PCID2: variants seen among roughly 807,000 people sequenced by gnomAD.
PCID2 encodes PCI domain-containing protein 2.
PCID2 carries 41 observed loss-of-function variants against 61.3 expected under a neutral mutation model. The observed-to-expected ratio is 0.67, with a 90% CI of 0.52 to 0.87. PCID2 has a LOEUF of 0.87. PCID2 is among the 40% of genes least tolerant of loss of function. The probability of loss-of-function intolerance (pLI) is 0.00; values close to 1 mark genes in which losing one functional copy is unlikely to be tolerated. For synonymous variants in PCID2, 187 were observed against 177.8 expected, an observed-to-expected ratio of 1.05 and a Z score of -0.41; for missense variants, 392 against 493.4, an observed-to-expected ratio of 0.79 and a Z score of 1.95.
Position 113,180,125 on chromosome 13 carries a change from A to G in PCID2, c.860+33T>C, listed in dbSNP as rs762042831. ...CAACTCTCATCAGGCTTGCATTTTT[A>G]AAACCCCAAACAGGAAGGATGGCAT... On this transcript the variant is annotated intron_variant, in intron 11 of 13. Transcript: ENST00000337344. 5.0e-6 allele frequency: 8 copies of G among 1,613,406 alleles called. No individual in the cohort carries two copies. The South Asian group carries it at 6.6e-5, about 13-fold the overall frequency.
chr13:113,201,400 G>C (rs535382120), intron 1 of PCID2, among the ~76,000 whole-genome samples: 1 of 152,276 alleles, frequency 6.6e-6, no homozygotes, highest in South Asian at 2.1e-4. Context: ...TACCACACCA[G>C]CTGACTGCGC....
At chr13:113,167,221 G>C in the PCID2 span, among the ~76,000 whole-genome samples, 2 of 152,142 alleles carry the variant, frequency 1.3e-5, no homozygotes, top group African/African-American at 4.8e-5. Context: ...GTCTTCTCTC[G>C]AACTTGGTTT....
chr13:113,206,593 T>C (rs1018488556), intron 1 of PCID2, among the ~76,000 whole-genome samples: 2 of 152,256 alleles, frequency 1.3e-5, no homozygotes, highest in Admixed American at 6.5e-5. Context: ...TTGGCACTTA[T>C]GTTCCTATAC....
chr13:113,200,696 C>CTTTTT (rs998821979), intron 1 of PCID2, 180 bp from the exon 2 acceptor site: 32 of 221,218 alleles, frequency 1.4e-4, no homozygotes, highest in South Asian at 1.7e-4. Flanking sequence ...ACAATAATTT[C>CTTTTT]TTTTTTTTTT....
chr13:113,183,026 G>A lies in PCID2; in HGVS notation c.685+1320C>T, dbSNP rs192934698. 9.2e-5 allele frequency among the ~76,000 whole-genome samples: 14 copies of A among 152,242 alleles called. No homozygotes were observed. In the East Asian group the frequency reaches 2.7e-3, roughly 29 times the overall value. On this transcript the variant is annotated intron_variant, in intron 9 of 13. Coordinates refer to ENST00000337344, the MANE Select transcript of PCID2 (RefSeq NM_001127202.4). ...AGGAAAGAAAATCACCACAATCTCT[G>A]CAGACATTTTATCCACTTAAATACA... is the stretch of plus-strand genomic sequence containing the variant.
chr13:113,197,139 G>T, intron 4 of PCID2, 39 bp downstream of exon 4: 2 of 1,614,064 alleles, frequency 1.2e-6, no homozygotes, highest in Non-Finnish European at 1.7e-6. Context: ...CACTGCATGT[G>T]TTCTATGCGG....
At chr13:113,176,322 T>G (rs2138624774), downstream of PCID2, among the ~76,000 whole-genome samples, 1 of 152,390 alleles carries the variant, frequency 6.6e-6, no homozygotes, top group East Asian at 1.9e-4. Context: ...ATGGCAGTGC[T>G]GGGGACTAAA....
At position 113,179,007 on chromosome 13, in the gene PCID2, T is replaced by A; in HGVS notation, c.1069A>T (p.Ile357Phe). 1 of 1,613,974 alleles carries A rather than the reference T, an allele frequency of 6.2e-7. No homozygotes were observed. Among genetic ancestry groups the A allele is most frequent in the Non-Finnish European group, 8.5e-7 (1 of 1,179,894 alleles). Residue 357 changes from isoleucine to phenylalanine, a missense_variant, in exon 13 of 14, where the codon ATT becomes TTT. Physicochemically the swap from Ile to Phe is conservative, Grantham distance 21. This residue lies in a region of PCID2 where 226 missense variants were observed against 296.5 expected (regional missense o/e 0.76). Transcript: ENST00000337344. The surrounding 1 kb of genome is among the most constrained non-coding windows in gnomAD (Gnocchi z 4.3). Reference protein sequence around the residue: ...LKFMQVEDVDIDEVQCILANL... With the variant: ...LKFMQVEDVDFDEVQCILANL... ...GCCAGAATACACTGAACTTCGTCAA[T>A]GTCCACGTCCTCCACCTGCATGAAC...
chr13:113,171,965 A>G, the PCID2 span: 1 of 1,613,524 alleles, frequency 6.2e-7, no homozygotes. This position sits in a 1 kb window ranked among gnomAD's most constrained non-coding sequence, Gnocchi z 5.1. Context: ...GATGGATGGA[A>G]GTGTGGTCAC....
At chr13:113,177,135 TTTTA>T (rs1292565805), downstream of PCID2, among the ~76,000 whole-genome samples, 3 of 152,128 alleles carry the variant, frequency 2.0e-5, no homozygotes, top group Non-Finnish European at 1.5e-5. Context: ...ACACTTTTAT[TTTTA>T]TTTATTTATT....
intron 1 of PCID2, among the ~76,000 whole-genome samples, chr13:113,201,846 T>C (rs745334615): frequency 2.1e-5 from 3 of 143,130 alleles, no homozygotes; most frequent in Non-Finnish European, 3.1e-5. Context: ...GACATAAAAA[T>C]TCTAACTAAG....
chr13:113,170,334 A>G, the PCID2 span: 1 of 864,990 alleles, frequency 1.2e-6, no homozygotes. Flanking sequence ...GGTGGTCCAT[A>G]TCCCTATCCA....
rs532694718 is a variant in PCID2 at position 113,184,342 on chromosome 13, A to G, written c.685+4T>C. The G allele has an allele frequency of 4.7e-5, 76 of 1,611,230 alleles. No individual in the cohort carries two copies. In the East Asian group the frequency reaches 1.5e-3, roughly 32 times the overall value. ...ATACTGGGAAAAAAAGATTAGCAACATACCTTGCTTAAAATCGCTGTCAAA... is the reference window on the plus strand; with the variant it reads ...ATACTGGGAAAAAAAGATTAGCAACGTACCTTGCTTAAAATCGCTGTCAAA... On this transcript the variant is annotated splice_donor_region_variant and intron_variant, in intron 9 of 13. Transcript: ENST00000337344.
intron 3 of PCID2, 58 bp from the exon 4 acceptor site, chr13:113,197,301 GC>G: frequency 8.3e-7 from 1 of 1,200,132 alleles, no homozygotes; most frequent in Non-Finnish European, 1.2e-6. Flanking sequence ...TAGTTATGCA[GC>G]CCACACAGCT....
Position 113,208,598 on chromosome 13 carries a change from C to G in PCID2, c.36+1G>C. The G allele has an allele frequency of 6.2e-7, 1 of 1,606,510 alleles. No individual in the cohort carries two copies. Among genetic ancestry groups the G allele is most frequent in the South Asian group, 1.1e-5 (1 of 90,294 alleles). On this transcript the variant is annotated splice_donor_variant, in intron 1 of 13. Coordinates refer to ENST00000337344, the MANE Select transcript of PCID2 (RefSeq NM_001127202.4). LOFTEE classifies it high-confidence loss of function. ...CCGCGCGCTCCCCGGCTAGGACCCA[C>G]CTGCTGCAGGTACTGGTTAATGGTA...
In PCID2 at chr13:113,179,536, C is replaced by T. The variant is rs2138652286; in HGVS notation, c.986+381G>A. 6.6e-6 allele frequency among the ~76,000 whole-genome samples: 1 copy of T among 152,316 alleles called. No homozygotes were observed. Among genetic ancestry groups the T allele is most frequent in the South Asian group, 2.1e-4 (1 of 4,824 alleles). Reference sequence around the variant, plus strand: ...CGTGTGAGGAAAGGAATGACGATCTCTGCATCTGCCTTTGTGACAGGCAGA... The same window carrying T: ...CGTGTGAGGAAAGGAATGACGATCTTTGCATCTGCCTTTGTGACAGGCAGA... On this transcript the variant is annotated intron_variant, in intron 12 of 13. Transcript: ENST00000337344. The surrounding 1 kb of genome is among the most constrained non-coding windows in gnomAD (Gnocchi z 4.3).
the PCID2 span, among the ~76,000 whole-genome samples, chr13:113,166,851 G>T: frequency 4.6e-5 from 7 of 152,114 alleles, no homozygotes. Context: ...CAGCTTCCCA[G>T]CTTACCCAAG....
At position 113,179,157 on chromosome 13, in the gene PCID2, G is replaced by A; in HGVS notation, c.987-68C>T. Reference sequence around the variant, plus strand: ...TGCAATACTCCACAGCCAAGAAAAGGCACCTCTTAATAAGCCGGTGTTCTA... The same window carrying A: ...TGCAATACTCCACAGCCAAGAAAAGACACCTCTTAATAAGCCGGTGTTCTA... On this transcript the variant is annotated intron_variant, in intron 12 of 13. Transcript: ENST00000337344. The surrounding 1 kb of genome is among the most constrained non-coding windows in gnomAD (Gnocchi z 4.3). 1.4e-6 allele frequency: 2 copies of A among 1,438,986 alleles called. No individual in the cohort carries two copies. Among genetic ancestry groups the A allele is most frequent in the Non-Finnish European group, 1.9e-6 (2 of 1,054,564 alleles). 89.1% of individuals were successfully genotyped at this position (1,438,986 alleles called of 1,614,324 possible). A position where few individuals can be genotyped will look rare whatever the true frequency, so the allele number is the denominator to read the frequency against.
At chr13:113,191,045 T>C (rs542951255) in intron 6 of PCID2, 70 bp from the exon 7 acceptor site, 25 of 1,071,050 alleles carry the variant, frequency 2.3e-5, no homozygotes, top group Non-Finnish European at 3.3e-5. Context: ...CAGGCTGGAC[T>C]GCAGTGGCAC....
Sources: allele counts gnomAD v4.1 joint callset (sites outside exome capture counted in the v4.1 genomes callset), GRCh38; gene constraint gnomAD v4.1.1; regional missense constraint gnomAD v4.1.1; non-coding constraint Gnocchi (gnomAD v3.1); transcripts MANE v1.5; gene names NCBI Gene and HGNC (gene_info 2026-07-23, HGNC 2026-07-21).